PRKG1: variants seen among roughly 807,000 people sequenced by gnomAD.
The protein encoded by PRKG1 is cGMP-dependent protein kinase 1.
PRKG1 carries 35 observed loss-of-function variants against 88.1 expected under a neutral mutation model. That is an observed-to-expected ratio of 0.40 (90% CI 0.30 to 0.53). The LOEUF is 0.53. Among genes scored for constraint, PRKG1 ranks in the 20% least tolerant of loss-of-function variants. The pLI is 0.59. For missense variants in PRKG1, 540 were observed against 839.8 expected, an observed-to-expected ratio of 0.64 and a Z score of 4.41; for synonymous variants, 303 against 292.5, an observed-to-expected ratio of 1.04 and a Z score of -0.37.
chr10:52,259,196 C>G (rs1011097900), intron 10 of PRKG1, among the ~76,000 whole-genome samples: 16 of 151,610 alleles, frequency 1.1e-4, no homozygotes, highest in Admixed American at 1.1e-3. Flanking sequence ...GAACTTCTAT[C>G]TATGACATGA....
At chr10:51,383,232 A>G (rs1377270910) in intron 2 of PRKG1, among the ~76,000 whole-genome samples, 1 of 152,080 alleles carries the variant, frequency 6.6e-6, no homozygotes, top group Non-Finnish European at 1.5e-5. Flanking sequence ...CTACTGTCTT[A>G]TTATCCTGAG....
intron 7 of PRKG1, among the ~76,000 whole-genome samples, chr10:52,102,177 T>A (rs1181942328): frequency 6.6e-6 from 1 of 152,116 alleles, no homozygotes; most frequent in Non-Finnish European, 1.5e-5. Context: ...TTTTTACAGT[T>A]TTTTTTGTTT....
chr10:51,974,705 T>A (rs181828773), intron 5 of PRKG1, among the ~76,000 whole-genome samples: 30 of 152,302 alleles, frequency 2.0e-4, no homozygotes, highest in South Asian at 1.2e-3. Context: ...TCTCCAGAAA[T>A]TTTTCTGACT....
intron 7 of PRKG1, among the ~76,000 whole-genome samples, chr10:52,071,328 A>G (rs1846491324): frequency 6.6e-6 from 1 of 151,982 alleles, no homozygotes. Flanking sequence ...TCTAGTGTCT[A>G]TTGTTCCCAT....
intron 5 of PRKG1, among the ~76,000 whole-genome samples, chr10:52,005,316 C>T (rs921390386): frequency 3.5e-5 from 5 of 141,314 alleles, no homozygotes; most frequent in East Asian, 4.2e-4. Flanking sequence ...AGGCTGGTCT[C>T]GAACTGGCCT....
intron 3 of PRKG1, among the ~76,000 whole-genome samples, chr10:51,613,459 G>C (rs1323992579): frequency 6.6e-6 from 1 of 151,624 alleles, no homozygotes; most frequent in Admixed American, 6.6e-5. Flanking sequence ...TCTTTTTGAA[G>C]ATCCAACTTT....
intron 3 of PRKG1, among the ~76,000 whole-genome samples, chr10:51,659,438 C>T (rs1419507541): frequency 2.6e-5 from 4 of 152,010 alleles, no homozygotes; most frequent in African/African-American, 9.7e-5. Context: ...ACAGCATGAG[C>T]TAATACCCAA....
intron 3 of PRKG1, among the ~76,000 whole-genome samples, chr10:51,589,177 G>A (rs1838246447): frequency 2.0e-5 from 3 of 152,098 alleles, no homozygotes; most frequent in Non-Finnish European, 4.4e-5. Flanking sequence ...CAATTGTTGT[G>A]TTAACTAGCT....
chr10:51,950,731 C>A (rs1013347870), intron 5 of PRKG1, among the ~76,000 whole-genome samples: 3 of 152,262 alleles, frequency 2.0e-5, no homozygotes, highest in Non-Finnish European at 4.4e-5. Context: ...CAGTCCCTGG[C>A]CCCATGGCAT....
chr10:51,741,040 C>T (rs887900905), intron 3 of PRKG1, among the ~76,000 whole-genome samples: 1 of 151,628 alleles, frequency 6.6e-6, no homozygotes, highest in South Asian at 2.1e-4. Context: ...TGTGGGGACA[C>T]CATCATACAA....
chr10:51,513,185 G>A (rs932711872), intron 3 of PRKG1, among the ~76,000 whole-genome samples: 16 of 148,204 alleles, frequency 1.1e-4, no homozygotes, highest in African/African-American at 3.7e-4. Flanking sequence ...AAAAAGGCAG[G>A]GGTTGCAATC....
intron 9 of PRKG1, among the ~76,000 whole-genome samples, chr10:52,210,624 A>G (rs1487565020): frequency 6.6e-6 from 1 of 152,220 alleles, no homozygotes; most frequent in African/African-American, 2.4e-5. Flanking sequence ...GGTCTTCTAT[A>G]AACATTTATG....
chr10:51,485,466 G>A (rs1297169806), intron 3 of PRKG1, among the ~76,000 whole-genome samples: 5 of 152,116 alleles, frequency 3.3e-5, no homozygotes, highest in Admixed American at 1.3e-4. Flanking sequence ...AGATAGCTTT[G>A]TAGCATAGTT....
chr10:51,935,960 C>A (rs1414165968), intron 5 of PRKG1, among the ~76,000 whole-genome samples: 3 of 152,036 alleles, frequency 2.0e-5, no homozygotes, highest in African/African-American at 7.2e-5. Context: ...AATTGCATAG[C>A]CACCCCTCCT....
chr10:51,018,746 T>C (rs574541270), intron 1 of PRKG1, among the ~76,000 whole-genome samples: 20 of 152,300 alleles, frequency 1.3e-4, no homozygotes, highest in African/African-American at 4.3e-4. Context: ...CTCTAGATAG[T>C]AGGGCTCAAA....
At chr10:51,905,096 G>T (rs1454716286) in intron 4 of PRKG1, among the ~76,000 whole-genome samples, 4 of 152,144 alleles carry the variant, frequency 2.6e-5, no homozygotes, top group Non-Finnish European at 5.9e-5. Flanking sequence ...CTGAAATATA[G>T]CTCATTAAAA....
At chr10:51,468,439 C>T (rs1300272336) in intron 3 of PRKG1, among the ~76,000 whole-genome samples, 2 of 151,818 alleles carry the variant, frequency 1.3e-5, no homozygotes, top group Admixed American at 1.3e-4. Flanking sequence ...CCTAATTTTA[C>T]ATGTATGTGT....
At chr10:51,665,332 A>G (rs1242337194) in intron 3 of PRKG1, among the ~76,000 whole-genome samples, 2 of 152,158 alleles carry the variant, frequency 1.3e-5, no homozygotes, top group African/African-American at 4.8e-5. Context: ...CACTAAAATA[A>G]TTTTACATTG....
chr10:52,064,341 T>G (rs1846306690), intron 7 of PRKG1, among the ~76,000 whole-genome samples: 1 of 152,146 alleles, frequency 6.6e-6, no homozygotes, highest in South Asian at 2.1e-4. Flanking sequence ...AGTCCCAACT[T>G]TCCTCCAAAA....
Sources: allele counts gnomAD v4.1 joint callset (sites outside exome capture counted in the v4.1 genomes callset), GRCh38; gene constraint gnomAD v4.1.1; transcripts MANE v1.5; gene names NCBI Gene and HGNC (gene_info 2026-07-23, HGNC 2026-07-21).